The following SGCD variants were observed in gnomAD, a reference collection of about 807,000 sequenced individuals.
SGCD encodes the protein sarcoglycan delta.
In SGCD, 18 loss-of-function variants were observed where a neutral mutation model predicts 36.6. The observed-to-expected ratio is 0.49, with a 90% confidence interval of 0.34 to 0.73. The LOEUF (loss-of-function observed/expected upper bound fraction) is 0.73, where lower values mean the gene tolerates loss of function less well. SGCD is among the 30% of genes least tolerant of loss of function. The pLI, the probability that SGCD is intolerant of heterozygous loss-of-function variation, is 0.01. For missense variants in SGCD, 387 were observed against 346.7 expected (o/e 1.12, Z -0.92); for synonymous variants, 133 against 130.6 (o/e 1.02, Z -0.12).
At chr5:156,473,076 A>G (rs1169916869) in intron 3 of SGCD, among the ~76,000 whole-genome samples, 1 of 152,196 alleles carries the variant, frequency 6.6e-6, no homozygotes, top group African/African-American at 2.4e-5. Context: ...CCTACATTGA[A>G]TAATTACAAC....
chr5:156,642,313 T>G (rs190050647), intron 6 of SGCD, among the ~76,000 whole-genome samples: 21 of 152,180 alleles, frequency 1.4e-4, no homozygotes, highest in Admixed American at 1.1e-3. Flanking sequence ...ACAGTGATCT[T>G]TGGAAAATGC....
At chr5:156,612,952 T>A (rs573917806) in intron 6 of SGCD, among the ~76,000 whole-genome samples, 1 of 152,332 alleles carries the variant, frequency 6.6e-6, no homozygotes, top group South Asian at 2.1e-4. Flanking sequence ...TATAGGTGTG[T>A]GTAGCAGTAA....
At chr5:156,670,355 G>A (rs1005851024) in intron 7 of SGCD, among the ~76,000 whole-genome samples, 1 of 152,132 alleles carries the variant, frequency 6.6e-6, no homozygotes, top group Non-Finnish European at 1.5e-5. Context: ...TTTTATTATT[G>A]TTTTTAACTT....
chr5:156,623,679 G>T (rs1185654552), intron 6 of SGCD, among the ~76,000 whole-genome samples: 3 of 152,210 alleles, frequency 2.0e-5, no homozygotes, highest in African/African-American at 4.8e-5. Flanking sequence ...TTGTGGAAAA[G>T]ATTGCATTTA....
At chr5:156,702,821 CAAT>C (rs58782981) in intron 7 of SGCD, among the ~76,000 whole-genome samples, 8,513 of 152,170 alleles carry the variant, frequency 0.056, 383 homozygotes, top group East Asian at 0.21. Context: ...ACTATCTTCT[CAAT>C]GATGTTGAAA....
intron 3 of SGCD, among the ~76,000 whole-genome samples, chr5:156,389,251 G>T (rs1771437147): frequency 6.6e-6 from 1 of 152,176 alleles, no homozygotes; most frequent in Non-Finnish European, 1.5e-5. Flanking sequence ...TTGAAATTGT[G>T]CCATGGAGGG....
chr5:156,364,450 G>A (rs554817377), intron 3 of SGCD, among the ~76,000 whole-genome samples: 260 of 152,088 alleles, frequency 1.7e-3, no homozygotes, highest in Non-Finnish European at 2.8e-3. Flanking sequence ...GGCAGTGCAT[G>A]GCTTATAGGC....
At chr5:156,415,245 G>C (rs895933363) in intron 3 of SGCD, among the ~76,000 whole-genome samples, 1 of 152,056 alleles carries the variant, frequency 6.6e-6, no homozygotes, top group African/African-American at 2.4e-5. Flanking sequence ...CAGTTTTAAG[G>C]TATTTCTCCG....
At chr5:155,754,714 C>A in the SGCD span, among the ~76,000 whole-genome samples, 1 of 152,296 alleles carries the variant, frequency 6.6e-6, no homozygotes, top group South Asian at 2.1e-4. Context: ...TATTTTTCAA[C>A]AGACAAAAGG....
At chr5:155,981,611 TG>T (rs1758230614) in intron 1 of SGCD, among the ~76,000 whole-genome samples, 1 of 152,172 alleles carries the variant, frequency 6.6e-6, no homozygotes, top group Non-Finnish European at 1.5e-5. Context: ...TATTTCCCAG[TG>T]CCTCCTACTT....
chr5:155,925,828 G>C (rs1470909233), intron 1 of SGCD, among the ~76,000 whole-genome samples: 1 of 152,084 alleles, frequency 6.6e-6, no homozygotes, highest in Non-Finnish European at 1.5e-5. Flanking sequence ...TGTGGCCCAG[G>C]CTGGTCTCGA....
intron 3 of SGCD, among the ~76,000 whole-genome samples, chr5:156,287,148 C>T (rs946747014): frequency 1.5e-4 from 23 of 152,256 alleles, no homozygotes; most frequent in African/African-American, 5.5e-4. Context: ...ATACCTAGTA[C>T]ATGGGCTATT....
chr5:156,356,084 A>G (rs1769478036), intron 3 of SGCD, among the ~76,000 whole-genome samples: 1 of 152,220 alleles, frequency 6.6e-6, no homozygotes. Flanking sequence ...ATAAATTTCT[A>G]ATCTTCATTC....
intron 2 of SGCD, among the ~76,000 whole-genome samples, chr5:156,339,343 T>C (rs911997309): frequency 5.3e-5 from 8 of 152,222 alleles, no homozygotes; most frequent in Admixed American, 1.3e-4. Flanking sequence ...TATGACGAAG[T>C]AATGCTTTGG....
chr5:156,464,216 A>ATTTTT (rs773294916), intron 3 of SGCD, among the ~76,000 whole-genome samples: 1 of 116,300 alleles, frequency 8.6e-6, no homozygotes, highest in African/African-American at 3.3e-5. Flanking sequence ...GAATCTACAT[A>ATTTTT]TTTTTTTTTT....
chr5:156,009,438 G>A (rs1487644182), intron 1 of SGCD, among the ~76,000 whole-genome samples: 1 of 152,080 alleles, frequency 6.6e-6, no homozygotes, highest in Non-Finnish European at 1.5e-5. Context: ...CTTACTACTG[G>A]TTGGTACTTC....
At chr5:156,174,844 A>G (rs944861106) in intron 3 of SGCD, among the ~76,000 whole-genome samples, 1 of 152,360 alleles carries the variant, frequency 6.6e-6, no homozygotes, top group East Asian at 1.9e-4. Flanking sequence ...TTGAGGCTAT[A>G]AGAACAGAAT....
intron 7 of SGCD, among the ~76,000 whole-genome samples, chr5:156,667,022 A>T (rs1753073468): frequency 6.6e-6 from 1 of 152,200 alleles, no homozygotes. Context: ...TCCAAAATCC[A>T]AAATGCTCTA....
intron 1 of SGCD, among the ~76,000 whole-genome samples, chr5:155,950,401 A>C (rs1386181937): frequency 2.0e-5 from 3 of 152,140 alleles, no homozygotes; most frequent in Admixed American, 6.6e-5. Context: ...GATGTCCTCA[A>C]CCTAATGTCT....
Sources: allele counts gnomAD v4.1 joint callset (sites outside exome capture counted in the v4.1 genomes callset), GRCh38; gene constraint gnomAD v4.1.1; transcripts MANE v1.5; gene names NCBI Gene and HGNC (gene_info 2026-07-23, HGNC 2026-07-21).